CCSER1: variants seen among roughly 807,000 people sequenced by gnomAD.
CCSER1 encodes the protein coiled-coil serine rich protein 1, also known as serine-rich coiled-coil domain-containing protein 1.
CCSER1 carries 41 observed loss-of-function variants against 82.0 expected under a neutral mutation model. The observed-to-expected ratio is 0.50, with a 90% CI of 0.39 to 0.65. CCSER1 has a LOEUF of 0.65. Among genes scored for constraint, CCSER1 ranks in the 30% least tolerant of loss-of-function variants. The pLI is 0.00. For missense variants in CCSER1, 1,119 were observed against 1,064.2 expected (o/e 1.05, Z -0.72); for synonymous variants, 414 against 383.9 (o/e 1.08, Z -0.92).
intron 10 of CCSER1, among the ~76,000 whole-genome samples, chr4:91,457,574 G>T (rs1170046354): frequency 1.3e-5 from 2 of 152,084 alleles, no homozygotes; most frequent in African/African-American, 2.4e-5. Context: ...AGAGGGTGAA[G>T]CTGGAAGATT....
chr4:91,099,970 C>T (rs553994724), intron 10 of CCSER1, among the ~76,000 whole-genome samples: 1 of 152,206 alleles, frequency 6.6e-6, no homozygotes, highest in African/African-American at 2.4e-5. Flanking sequence ...GCTGATTTTC[C>T]TCCACAAAAG....
At chr4:91,391,554 T>A (rs1751654350) in intron 10 of CCSER1, among the ~76,000 whole-genome samples, 1 of 152,102 alleles carries the variant, frequency 6.6e-6, no homozygotes, top group African/African-American at 2.4e-5. Context: ...ACCCGCCATG[T>A]CCTCCCAAAG....
In CCSER1 at chr4:90,271,890, T is replaced by TTTTA. The variant is rs1553982851; in HGVS notation, c.-41-36354_-41-36353insTTTA. On this transcript the variant is annotated intron_variant, in intron 1 of 10. Coordinates refer to ENST00000509176, the MANE Select transcript of CCSER1 (RefSeq NM_001145065.2). ...TTTTTTTTTTTTTTTTTTTTTTTTT[T>TTTTA]AAAAGGAGGTTTAATTGACTCACAG... Among the ~76,000 whole-genome samples the TTTTA allele has an allele frequency of 1.4e-3, 95 of 70,080 alleles. 18 individuals carry two copies. The highest frequency in any genetic ancestry group is 2.1e-3 in the South Asian group (3 of 1,440). 46.0% of individuals were successfully genotyped at this position (70,080 alleles called of 152,430 possible).
chr4:91,180,460 A>G (rs1426551639), intron 10 of CCSER1, among the ~76,000 whole-genome samples: 1 of 152,218 alleles, frequency 6.6e-6, no homozygotes, highest in Non-Finnish European at 1.5e-5. Context: ...GGCTCCACCT[A>G]GTTCGAGCTT....
chr4:90,909,360 T>C (rs1725984531), intron 8 of CCSER1, among the ~76,000 whole-genome samples: 1 of 152,116 alleles, frequency 6.6e-6, no homozygotes, highest in African/African-American at 2.4e-5. Flanking sequence ...TTCCAGACAG[T>C]GCAGAGGCCA....
intron 10 of CCSER1, among the ~76,000 whole-genome samples, chr4:91,258,802 AT>A (rs1287160450): frequency 6.6e-6 from 1 of 152,148 alleles, no homozygotes; most frequent in Non-Finnish European, 1.5e-5. Flanking sequence ...CTTTATAAAT[AT>A]TATTCATTTA....
At chr4:90,283,802 C>A (rs1729324503) in intron 1 of CCSER1, among the ~76,000 whole-genome samples, 1 of 151,908 alleles carries the variant, frequency 6.6e-6, no homozygotes. Flanking sequence ...AAATGTATAT[C>A]TCTTTTCGTT....
intron 5 of CCSER1, among the ~76,000 whole-genome samples, chr4:90,483,737 GA>G (rs1359453315): frequency 6.6e-6 from 1 of 152,216 alleles, no homozygotes. Flanking sequence ...TCTGCTGAGA[GA>G]TCAGCTGTTA....
At position 90,583,205 on chromosome 4, in the gene CCSER1, C is replaced by T. The variant is rs146886329; in HGVS notation, c.1725-44820C>T. Among the ~76,000 whole-genome samples the T allele has an allele frequency of 5.0e-3, 757 of 152,258 alleles. 6 individuals carry two copies. Among genetic ancestry groups the T allele is most frequent in the African/African-American group, 0.017 (711 of 41,548 alleles). ...TTTTTAAGACGGAGTCTCGCTCTGT[C>T]GCCCAGGCTGGAGTGCAATAGCACT... On this transcript the variant is annotated intron_variant, in intron 5 of 10. Transcript: ENST00000509176.
At chr4:91,055,736 C>T (rs1281008582) in intron 9 of CCSER1, among the ~76,000 whole-genome samples, 3 of 149,878 alleles carry the variant, frequency 2.0e-5, no homozygotes, top group Admixed American at 2.0e-4. Flanking sequence ...TTTTCCCTTC[C>T]CCTCTGCCCC....
At chr4:90,784,539 T>A (rs540272354) in intron 7 of CCSER1, among the ~76,000 whole-genome samples, 1 of 152,300 alleles carries the variant, frequency 6.6e-6, no homozygotes, top group East Asian at 1.9e-4. Context: ...GAGGGGACTA[T>A]AAATCTTTGA....
At chr4:90,519,146 TCTC>T (rs1772723911) in intron 5 of CCSER1, among the ~76,000 whole-genome samples, 1 of 151,858 alleles carries the variant, frequency 6.6e-6, no homozygotes, top group South Asian at 2.1e-4. Context: ...ACTTCTAAAA[TCTC>T]CATTCATTCA....
intron 10 of CCSER1, among the ~76,000 whole-genome samples, chr4:91,216,068 C>A (rs1737214803): frequency 6.6e-6 from 1 of 152,228 alleles, no homozygotes; most frequent in East Asian, 1.9e-4. Context: ...GGGTTACCAA[C>A]CTTTATTTGA....
chr4:91,009,700 G>T (rs968491166), intron 9 of CCSER1, among the ~76,000 whole-genome samples: 2 of 151,816 alleles, frequency 1.3e-5, no homozygotes, highest in Non-Finnish European at 2.9e-5. Flanking sequence ...TTGTTATGAG[G>T]CTTACATAAA....
intron 10 of CCSER1, chr4:91,129,916 T>G (rs1727851481): frequency 6.6e-6 from 1 of 152,046 alleles, no homozygotes; most frequent in Non-Finnish European, 1.5e-5. Context: ...CTCTAAGAAG[T>G]GAATTTCTTC....
intron 9 of CCSER1, among the ~76,000 whole-genome samples, chr4:91,023,001 G>A (rs1197131553): frequency 6.6e-6 from 1 of 152,058 alleles, no homozygotes; most frequent in Non-Finnish European, 1.5e-5. Flanking sequence ...CTGTGCAGAA[G>A]CTCTTTAGTT....
chr4:90,719,267 T>G (rs1028794773), intron 6 of CCSER1, among the ~76,000 whole-genome samples: 5 of 151,890 alleles, frequency 3.3e-5, no homozygotes, highest in African/African-American at 9.7e-5. Context: ...ATGCTCCTTA[T>G]GAGATTCTAA....
At chr4:90,366,360 T>G (rs1332775420) in intron 3 of CCSER1, among the ~76,000 whole-genome samples, 1 of 151,770 alleles carries the variant, frequency 6.6e-6, no homozygotes, top group Non-Finnish European at 1.5e-5. Flanking sequence ...GAACTGGGTT[T>G]AACTTTTTAA....
chr4:90,233,866 A>G (rs1232940704), intron 1 of CCSER1, among the ~76,000 whole-genome samples: 2 of 152,126 alleles, frequency 1.3e-5, no homozygotes, highest in Non-Finnish European at 2.9e-5. Context: ...TTAGCACATA[A>G]CAACATAAAT....
Sources: gnomAD v4.1 joint callset for allele counts (sites outside exome capture counted in the v4.1 genomes callset) on GRCh38, gnomAD v4.1.1 for gene constraint, MANE v1.5 for transcripts, NCBI Gene and HGNC (gene_info 2026-07-23, HGNC 2026-07-21) for gene names.